PLCH1: variants seen among roughly 807,000 people sequenced by gnomAD.
The protein encoded by PLCH1 is phospholipase C eta 1.
PLCH1 carries 60 observed loss-of-function variants against 126.7 expected under a neutral mutation model. That is an observed-to-expected ratio of 0.47 (90% CI 0.38 to 0.59). The LOEUF (loss-of-function observed/expected upper bound fraction) is 0.59, where lower values mean the gene tolerates loss of function less well. Among genes scored for constraint, PLCH1 ranks in the 20% least tolerant of loss-of-function variants. The probability of loss-of-function intolerance (pLI) is 0.00; values close to 1 mark genes in which losing one functional copy is unlikely to be tolerated. For missense variants in PLCH1, 1,723 were observed against 2,040.0 expected (o/e 0.84, Z 2.99); for synonymous variants, 719 against 734.9 (o/e 0.98, Z 0.35).
chr3:155,737,815 A>G (rs1382600351), intron 1 of PLCH1, among the ~76,000 whole-genome samples: 6 of 107,478 alleles, frequency 5.6e-5, no homozygotes, highest in African/African-American at 2.1e-4. Flanking sequence ...CCCAGCAGAA[A>G]TAATTCTGCA....
At chr3:155,474,242 C>G (rs1468500941) in intron 21 of PLCH1, among the ~76,000 whole-genome samples, 29 of 148,352 alleles carry the variant, frequency 2.0e-4, no homozygotes, top group Admixed American at 1.8e-3. Context: ...AAAAAACAAA[C>G]AACCCCATCA....
chr3:155,702,078 T>C lies in PLCH1; in HGVS notation c.79+2068A>G, dbSNP rs1477551890. ...AAGTAACCAATTCATATTTTAAGTG[T>C]TATACTGCCCCCTTGTGTATCTTGT... On this transcript the variant is annotated intron_variant, in intron 2 of 22. Coordinates refer to ENST00000460012, the MANE Select transcript of PLCH1 (RefSeq NM_014996.4). Among the ~76,000 whole-genome samples, 4 of 152,288 alleles carry C rather than the reference T, an allele frequency of 2.6e-5. No homozygotes were observed. The South Asian group carries it at 6.2e-4, about 24-fold the overall frequency.
chr3:155,481,322 C>A lies in PLCH1; in HGVS notation c.4704G>T (p.Arg1568Ser). The A allele has an allele frequency of 6.2e-7, 1 of 1,614,226 alleles. No homozygotes were observed. Among genetic ancestry groups the A allele is most frequent in the East Asian group, 2.2e-5 (1 of 44,890 alleles). ...DANQLPRALV[R>S]KLSSRSQSRV... Reference sequence around the variant, plus strand: ...TGCTCTGACTTCTGGATGACAACTTCCTGACCAGTGCCCGGGGGAGCTGAT... The same window carrying A: ...TGCTCTGACTTCTGGATGACAACTTACTGACCAGTGCCCGGGGGAGCTGAT... Residue 1568 changes from arginine (R) to serine (S), a missense_variant, in exon 23 of 23, where the codon AGG becomes AGT. Arg to Ser is a moderately radical substitution (Grantham distance 110). Around this residue, in one of 2 missense-constraint regions of PLCH1, gnomAD observed 947 missense variants for 977.1 expected, o/e 0.97. Coordinates refer to ENST00000460012, the MANE Select transcript of PLCH1 (RefSeq NM_014996.4). This position sits in a 1 kb window ranked among gnomAD's most constrained non-coding sequence, Gnocchi z 4.2.
At chr3:155,710,903 TA>T (rs761254687) in intron 1 of PLCH1, among the ~76,000 whole-genome samples, 146 of 131,408 alleles carry the variant, frequency 1.1e-3, no homozygotes, top group Admixed American at 1.2e-3. Flanking sequence ...TAGAAAAAAC[TA>T]AAAAAAAAAA....
chr3:155,530,601 G>C (rs942501266), intron 10 of PLCH1, among the ~76,000 whole-genome samples: 1 of 137,340 alleles, frequency 7.3e-6, no homozygotes, highest in Middle Eastern at 3.6e-3. Flanking sequence ...TAGTTCTCTT[G>C]TTATTTCTAA....
At chr3:155,457,965 C>T (rs887998067) in intron 21 of PLCH1, among the ~76,000 whole-genome samples, 1 of 152,162 alleles carries the variant, frequency 6.6e-6, no homozygotes, top group Non-Finnish European at 1.5e-5. Flanking sequence ...TTCCCGTGCA[C>T]AGCTCCAAAT....
chr3:155,702,175 T>G (rs1420037086), intron 2 of PLCH1, among the ~76,000 whole-genome samples: 1 of 152,212 alleles, frequency 6.6e-6, no homozygotes, highest in Non-Finnish European at 1.5e-5. Flanking sequence ...AATCTGAGTT[T>G]AGAACTAGAA....
At chr3:155,573,443 G>T (rs1018979427) in intron 6 of PLCH1, among the ~76,000 whole-genome samples, 1 of 152,180 alleles carries the variant, frequency 6.6e-6, no homozygotes, top group African/African-American at 2.4e-5. Flanking sequence ...CAGTTGGATG[G>T]TTATTCTGCT....
chr3:155,600,335 A>T (rs995343567), intron 2 of PLCH1, among the ~76,000 whole-genome samples: 3 of 152,358 alleles, frequency 2.0e-5, no homozygotes, highest in African/African-American at 7.2e-5. Flanking sequence ...AACAGAAATG[A>T]TTAACAGCAG....
chr3:155,665,102 T>A (rs1013402335), intron 2 of PLCH1, among the ~76,000 whole-genome samples: 1 of 140,882 alleles, frequency 7.1e-6, no homozygotes, highest in East Asian at 1.9e-4. Context: ...TCTGCTTTCT[T>A]TTCTCCTTCC....
chr3:155,480,387 A>G lies in PLCH1; in HGVS notation c.*581T>C, dbSNP rs1433758701. ...GCCTATTCCAAAAAGTGGGAAGGGC[A>G]TGGGGAGCAGCTATCCATCCCCTTT... On this transcript the variant is annotated 3_prime_UTR_variant, in exon 23 of 23. Coordinates refer to ENST00000460012, the MANE Select transcript of PLCH1 (RefSeq NM_014996.4). The G allele has an allele frequency of 6.5e-6, 1 of 152,836 alleles. No individual in the cohort carries two copies. Among genetic ancestry groups the G allele is most frequent in the Non-Finnish European group, 1.5e-5 (1 of 68,190 alleles). The allele number at this position is 152,836 out of a possible 1,614,324, so 9.5% of individuals were successfully genotyped here. A position where few individuals can be genotyped will look rare whatever the true frequency, so the allele number is the denominator to read the frequency against.
intron 21 of PLCH1, among the ~76,000 whole-genome samples, chr3:155,459,311 A>C (rs1275210971): frequency 1.3e-5 from 2 of 152,200 alleles, no homozygotes; most frequent in Admixed American, 1.3e-4. Flanking sequence ...TAAATGTATC[A>C]AACAAGAACC....
intron 10 of PLCH1, among the ~76,000 whole-genome samples, chr3:155,539,064 G>A (rs1357679127): frequency 1.3e-5 from 2 of 152,070 alleles, no homozygotes; most frequent in Non-Finnish European, 2.9e-5. Context: ...CCGTGATCGA[G>A]TGGGTTTCAT....
intron 8 of PLCH1, among the ~76,000 whole-genome samples, chr3:155,558,901 A>T (rs1727186410): frequency 6.6e-6 from 1 of 152,124 alleles, no homozygotes; most frequent in African/African-American, 2.4e-5. Flanking sequence ...GGACTGACAG[A>T]TATTGTTAGG....
intron 4 of PLCH1, among the ~76,000 whole-genome samples, chr3:155,590,706 C>T (rs1482434056): frequency 6.6e-6 from 1 of 151,426 alleles, no homozygotes; most frequent in Non-Finnish European, 1.5e-5. Context: ...GCCAAGATCA[C>T]ACCACTGCAC....
At chr3:155,487,872 A>G (rs971155356) in intron 21 of PLCH1, among the ~76,000 whole-genome samples, 156 bp downstream of exon 21, 1 of 152,242 alleles carries the variant, frequency 6.6e-6, no homozygotes, top group African/African-American at 2.4e-5. Flanking sequence ...GGATCAGGAC[A>G]TGACTGGAAT....
intron 2 of PLCH1, among the ~76,000 whole-genome samples, chr3:155,654,855 A>G (rs989973956): frequency 6.6e-6 from 1 of 152,106 alleles, no homozygotes; most frequent in Non-Finnish European, 1.5e-5. Flanking sequence ...ATGGCTTCCA[A>G]TTACCCTTAG....
chr3:155,464,113 G>T (rs1712839261), intron 21 of PLCH1, among the ~76,000 whole-genome samples: 1 of 152,184 alleles, frequency 6.6e-6, no homozygotes, highest in Non-Finnish European at 1.5e-5. Flanking sequence ...GTCCTCAAAT[G>T]AGATTGTGTA....
rs562164381 is a variant in PLCH1 at position 155,576,040 on chromosome 3, T to C, written c.771+7432A>G. Among the ~76,000 whole-genome samples the C allele has an allele frequency of 2.0e-4, 30 of 152,026 alleles. 2 individuals are homozygous for C. The South Asian group carries it at 5.6e-3, about 28-fold the overall frequency. ...AAGAAACAAAAAAATATAAAGAACA[T>C]AGGGGCTTGCTAAGAAAGGTTGCCA... On this transcript the variant is annotated intron_variant, in intron 6 of 22. Coordinates refer to ENST00000460012, the MANE Select transcript of PLCH1 (RefSeq NM_014996.4).
Sources: gnomAD v4.1 joint callset for allele counts (sites outside exome capture counted in the v4.1 genomes callset) on GRCh38, gnomAD v4.1.1 for gene constraint, gnomAD v4.1.1 regional missense constraint, Gnocchi (gnomAD v3.1) non-coding constraint, MANE v1.5 for transcripts, NCBI Gene and HGNC (gene_info 2026-07-23, HGNC 2026-07-21) for gene names.